The following SCHIP1 variants were observed in gnomAD, a reference collection of about 807,000 sequenced individuals.
SCHIP1 encodes schwannomin interacting protein 1.
A neutral mutation model predicts 29.7 loss-of-function variants in SCHIP1; 8 were observed. The ratio of observed to expected loss-of-function variants is 0.27; its 90% confidence interval spans 0.16 to 0.49. The LOEUF is 0.49. Ranked by LOEUF, SCHIP1 falls within the 20% of genes least tolerant of loss-of-function variation. The pLI is 0.99. For synonymous variants in SCHIP1, 76 were observed against 94.9 expected (o/e 0.80, Z 1.16); for missense variants, 193 against 294.6 (o/e 0.66, Z 2.52).
At chr3:159,638,108 C>G in the SCHIP1 span, among the ~76,000 whole-genome samples, 8 of 152,310 alleles carry the variant, frequency 5.3e-5, no homozygotes, top group Admixed American at 3.3e-4. Context: ...ACCAAGTCCT[C>G]CTTCTGAGTC....
At chr3:159,788,279 CTT>C in the SCHIP1 span, among the ~76,000 whole-genome samples, 1 of 152,200 alleles carries the variant, frequency 6.6e-6, no homozygotes, top group African/African-American at 2.4e-5. Flanking sequence ...CAATTTCACT[CTT>C]TCCAGAAAAA....
chr3:159,884,227 AG>A, intron 2 of SCHIP1, among the ~76,000 whole-genome samples: 1 of 152,216 alleles, frequency 6.6e-6, no homozygotes, highest in East Asian at 1.9e-4. Flanking sequence ...TATTATTAAA[AG>A]GGGGTTGATT....
the SCHIP1 span, among the ~76,000 whole-genome samples, chr3:159,521,877 G>A: frequency 6.4e-4 from 97 of 152,234 alleles, no homozygotes; most frequent in Middle Eastern, 3.4e-3. Context: ...TCTATTATTA[G>A]AAATATGTGC....
the SCHIP1 span, among the ~76,000 whole-genome samples, chr3:159,513,792 G>C: frequency 2.0e-5 from 3 of 152,180 alleles, no homozygotes; most frequent in Non-Finnish European, 2.9e-5. Context: ...CCAATCAAGC[G>C]ACTGCAGAAA....
the SCHIP1 span, among the ~76,000 whole-genome samples, chr3:159,528,506 T>C: frequency 6.6e-6 from 1 of 152,174 alleles, no homozygotes; most frequent in Non-Finnish European, 1.5e-5. Context: ...CTCCATTCTT[T>C]CTCTGCCTCT....
At chr3:159,896,783 C>T (rs369231745) in exon 7 of SCHIP1, 48 of 1,604,198 alleles carry the variant, frequency 3.0e-5, no homozygotes, top group Non-Finnish European at 3.7e-5. Context: ...GAAAAGAAGC[C>T]ATTCAACCAG....
At chr3:159,816,333 G>A in the SCHIP1 span, among the ~76,000 whole-genome samples, 3 of 152,110 alleles carry the variant, frequency 2.0e-5, no homozygotes, top group African/African-American at 7.2e-5. Flanking sequence ...GTGCAGTGGT[G>A]CAGTCATGGC....
the SCHIP1 span, among the ~76,000 whole-genome samples, chr3:159,304,855 G>C: frequency 1.3e-5 from 2 of 152,008 alleles, no homozygotes; most frequent in Non-Finnish European, 2.9e-5. Flanking sequence ...CATTGGGTTT[G>C]ACCAAAATCT....
the SCHIP1 span, among the ~76,000 whole-genome samples, chr3:159,687,998 C>T: frequency 6.6e-6 from 1 of 152,216 alleles, no homozygotes; most frequent in Non-Finnish European, 1.5e-5. Flanking sequence ...TTCAGTCTAA[C>T]ATTGATAGGC....
chr3:159,404,878 G>T, the SCHIP1 span, among the ~76,000 whole-genome samples: 3 of 152,212 alleles, frequency 2.0e-5, no homozygotes, highest in Non-Finnish European at 4.4e-5. Flanking sequence ...CACAGTCCCA[G>T]TGGTGGTAGT....
chr3:159,870,581 A>G (rs1171623452), intron 2 of SCHIP1, among the ~76,000 whole-genome samples: 1 of 152,056 alleles, frequency 6.6e-6, no homozygotes, highest in Admixed American at 6.6e-5. Context: ...GTCTAAACCT[A>G]AAGTGGTTAG....
At chr3:159,489,277 T>C in the SCHIP1 span, among the ~76,000 whole-genome samples, 1 of 152,202 alleles carries the variant, frequency 6.6e-6, no homozygotes, top group East Asian at 1.9e-4. Flanking sequence ...TGTGAATTTG[T>C]GTTCTACTAA....
At chr3:159,890,180 A>C (rs867713551) in intron 5 of SCHIP1, among the ~76,000 whole-genome samples, 1 of 152,294 alleles carries the variant, frequency 6.6e-6, no homozygotes. Flanking sequence ...ATAATGTGAT[A>C]GCTGGAATTT....
At chr3:159,828,914 A>T in the SCHIP1 span, among the ~76,000 whole-genome samples, 3 of 152,170 alleles carry the variant, frequency 2.0e-5, no homozygotes, top group Non-Finnish European at 4.4e-5. Flanking sequence ...TCTTGACATG[A>T]CAACCCAACT....
the SCHIP1 span, among the ~76,000 whole-genome samples, chr3:159,553,692 C>T: frequency 6.6e-6 from 1 of 152,296 alleles, no homozygotes; most frequent in South Asian, 2.1e-4. Flanking sequence ...CTCACTGCAA[C>T]CACAAATTTG....
At chr3:159,790,364 A>C in the SCHIP1 span, among the ~76,000 whole-genome samples, 1 of 152,208 alleles carries the variant, frequency 6.6e-6, no homozygotes, top group African/African-American at 2.4e-5. Context: ...CTTTCTTGGT[A>C]ATAATTTGAG....
At chr3:159,524,057 G>T in the SCHIP1 span, among the ~76,000 whole-genome samples, 2 of 152,076 alleles carry the variant, frequency 1.3e-5, no homozygotes, top group Non-Finnish European at 2.9e-5. Flanking sequence ...ATTCCTGAAG[G>T]CACAGATCCT....
the SCHIP1 span, among the ~76,000 whole-genome samples, chr3:159,733,884 A>C: frequency 6.6e-6 from 1 of 152,172 alleles, no homozygotes; most frequent in Non-Finnish European, 1.5e-5. Context: ...TAAAATCACA[A>C]AGGGCTTTAC....
chr3:159,834,472 C>T, the SCHIP1 span, among the ~76,000 whole-genome samples: 1 of 152,188 alleles, frequency 6.6e-6, no homozygotes, highest in South Asian at 2.1e-4. Context: ...AGAAACACTA[C>T]TTCACATGGC....
Sources: gnomAD v4.1 joint callset for allele counts (sites outside exome capture counted in the v4.1 genomes callset) on GRCh38, gnomAD v4.1.1 for gene constraint, MANE v1.5 for transcripts, NCBI Gene and HGNC (gene_info 2026-07-23, HGNC 2026-07-21) for gene names.